NAV3: variants seen among roughly 807,000 people sequenced by gnomAD.
NAV3 encodes the protein pore membrane and/or filament interacting like protein 1.
NAV3 carries 87 observed loss-of-function variants against 244.7 expected under a neutral mutation model. The observed-to-expected ratio is 0.36, with a 90% CI of 0.30 to 0.42. The LOEUF is 0.42. NAV3 is among the 20% of genes least tolerant of loss of function. The pLI, the probability that NAV3 is intolerant of heterozygous loss-of-function variation, is 1.00. For missense variants in NAV3, 2,663 were observed against 2,893.3 expected (o/e 0.92, Z 1.83); for synonymous variants, 1,126 against 1,042.2 (o/e 1.08, Z -1.55).
chr12:77,726,572 T>A (rs1056050346), intron 2 of NAV3, among the ~76,000 whole-genome samples: 3 of 151,456 alleles, frequency 2.0e-5, no homozygotes, highest in African/African-American at 7.3e-5. Flanking sequence ...ATGGAAAGAA[T>A]GAAAAAAAAT....
chr12:77,756,163 C>A (rs893987642), intron 2 of NAV3, among the ~76,000 whole-genome samples: 4 of 152,014 alleles, frequency 2.6e-5, no homozygotes, highest in African/African-American at 9.7e-5. Flanking sequence ...ACAAAGACCG[C>A]CACCAGGTAG....
chr12:77,694,475 T>TAA (rs755271316), intron 2 of NAV3, among the ~76,000 whole-genome samples: 14 of 134,404 alleles, frequency 1.0e-4, no homozygotes, highest in African/African-American at 3.0e-4. Context: ...CCATCTCAAT[T>TAA]AAAAAAAAAA....
intron 2 of NAV3, among the ~76,000 whole-genome samples, chr12:77,703,740 A>G (rs1875666021): frequency 6.6e-6 from 1 of 152,142 alleles, no homozygotes; most frequent in South Asian, 2.1e-4. Flanking sequence ...CTTTTTGACA[A>G]TTCCACAAAA....
At chr12:77,750,750 C>T (rs1868808868) in intron 2 of NAV3, among the ~76,000 whole-genome samples, 1 of 152,010 alleles carries the variant, frequency 6.6e-6, no homozygotes, top group Non-Finnish European at 1.5e-5. Flanking sequence ...GCAAGTCATG[C>T]TGTTAGCATT....
intron 9 of NAV3, among the ~76,000 whole-genome samples, chr12:78,024,699 C>T (rs1354905260): frequency 1.3e-5 from 2 of 152,082 alleles, no homozygotes; most frequent in Admixed American, 6.6e-5. Context: ...ACTTCCTGGC[C>T]GGGTGCGGTG....
intron 7 of NAV3, among the ~76,000 whole-genome samples, chr12:78,005,317 A>C (rs550913282): frequency 1.3e-5 from 2 of 152,218 alleles, no homozygotes; most frequent in Non-Finnish European, 2.9e-5. Context: ...AGTTCAGTAA[A>C]AAATGTTAAT....
chr12:78,103,855 G>A (rs1416942656), intron 12 of NAV3, among the ~76,000 whole-genome samples: 1 of 152,126 alleles, frequency 6.6e-6, no homozygotes, highest in Non-Finnish European at 1.5e-5. Context: ...ACAACACATG[G>A]GAATTATGGG....
intron 7 of NAV3, among the ~76,000 whole-genome samples, chr12:78,001,468 C>A (rs1873295021): frequency 6.6e-6 from 1 of 152,034 alleles, no homozygotes; most frequent in Admixed American, 6.6e-5. Context: ...GGTTTATTCA[C>A]AATTAAAACA....
intron 9 of NAV3, chr12:78,037,443 C>T: frequency 3.2e-6 from 2 of 627,624 alleles, no homozygotes; most frequent in East Asian, 2.8e-5. Flanking sequence ...TTCATAGTCT[C>T]TTATGAAATT....
chr12:77,917,045 A>C (rs1887215688), intron 1 of NAV3, among the ~76,000 whole-genome samples: 2 of 152,006 alleles, frequency 1.3e-5, no homozygotes, highest in South Asian at 4.1e-4. Flanking sequence ...ATTATTATAT[A>C]AAAATCATAA....
At chr12:77,801,391 T>G (rs1034969930) in intron 2 of NAV3, among the ~76,000 whole-genome samples, 33 of 152,162 alleles carry the variant, frequency 2.2e-4, no homozygotes, top group Admixed American at 5.9e-4. Context: ...CTTCTATTTT[T>G]AAAATTCATA....
At chr12:78,200,876 T>C (rs963807762) in intron 38 of NAV3, among the ~76,000 whole-genome samples, 2 of 151,998 alleles carry the variant, frequency 1.3e-5, no homozygotes, top group Middle Eastern at 3.2e-3. Flanking sequence ...GACAGCTAGT[T>C]AATTGCACAG....
chr12:77,759,765 T>C (rs1445948805), intron 2 of NAV3, among the ~76,000 whole-genome samples: 3 of 151,232 alleles, frequency 2.0e-5, no homozygotes, highest in Admixed American at 6.6e-5. Context: ...TGATTTTTAT[T>C]TTTTTTTAAC....
intron 5 of NAV3, among the ~76,000 whole-genome samples, chr12:77,991,216 G>T (rs967525346): frequency 1.3e-5 from 2 of 151,916 alleles, no homozygotes; most frequent in Non-Finnish European, 2.9e-5. Flanking sequence ...AGTAGAGATG[G>T]GGTTTCACCA....
chr12:77,658,390 C>A (rs1404188038), intron 2 of NAV3, among the ~76,000 whole-genome samples: 1 of 150,304 alleles, frequency 6.7e-6, no homozygotes, highest in African/African-American at 2.5e-5. Flanking sequence ...ACCTAGGAAT[C>A]CACCTTACAA....
At chr12:77,993,356 T>G (rs1471301152) in intron 5 of NAV3, among the ~76,000 whole-genome samples, 1 of 152,220 alleles carries the variant, frequency 6.6e-6, no homozygotes, top group Non-Finnish European at 1.5e-5. Flanking sequence ...TTCCTCACTT[T>G]GAGTGTTTTT....
chr12:77,961,882 TATA>T (rs1391053500), intron 3 of NAV3, among the ~76,000 whole-genome samples: 1 of 151,682 alleles, frequency 6.6e-6, no homozygotes, highest in African/African-American at 2.4e-5. Flanking sequence ...TTCATGTGTG[TATA>T]ATGTTATGAT....
chr12:78,016,169 T>A (rs1374631100), intron 8 of NAV3, among the ~76,000 whole-genome samples: 1 of 152,028 alleles, frequency 6.6e-6, no homozygotes, highest in Non-Finnish European at 1.5e-5. Flanking sequence ...TGTCTTTTTG[T>A]ATAGGGTGAT....
intron 2 of NAV3, among the ~76,000 whole-genome samples, chr12:77,594,178 T>C (rs1226474563): frequency 1.3e-5 from 2 of 152,204 alleles, no homozygotes; most frequent in Non-Finnish European, 2.9e-5. Context: ...TTTACAATTG[T>C]AGGCACTTTA....
Sources: gnomAD v4.1 joint callset for allele counts (sites outside exome capture counted in the v4.1 genomes callset) on GRCh38, gnomAD v4.1.1 for gene constraint, MANE v1.5 for transcripts, NCBI Gene and HGNC (gene_info 2026-07-23, HGNC 2026-07-21) for gene names.